Variants in VCPIP1 observed in about 807,000 individuals in gnomAD.
VCPIP1 encodes deubiquitinating protein VCPIP1.
VCPIP1 carries 8 observed loss-of-function variants against 85.0 expected under a neutral mutation model. The observed-to-expected ratio is 0.09, with a 90% CI of 0.06 to 0.17. The LOEUF is 0.17. Among genes scored for constraint, VCPIP1 ranks in the 10% least tolerant of loss-of-function variants. The pLI, the probability that VCPIP1 is intolerant of heterozygous loss-of-function variation, is 1.00. For missense variants in VCPIP1, 1,070 were observed against 1,486.3 expected (o/e 0.72, Z 4.61); for synonymous variants, 543 against 544.5 (o/e 1.00, Z 0.04).
Position 66,664,943 on chromosome 8 carries a change from G to A in VCPIP1, c.2016C>T (p.His672=), listed in dbSNP as rs61753692. 0.08 allele frequency: 128,761 copies of A among 1,614,018 alleles called. 5,821 individuals are homozygous for A. Among genetic ancestry groups the A allele is most frequent in the Middle Eastern group, 0.1 (606 of 6,060 alleles). Residue 672 remains histidine, a synonymous_variant, in exon 1 of 3, where the codon CAC becomes CAT. Coordinates refer to ENST00000310421, the MANE Select transcript of VCPIP1 (RefSeq NM_025054.5). ...DYTPVNIDGA[H]AQRVGDVQGQ... ...CTTGAACATCTCCAACTCTTTGGGC[G>A]TGAGCACCATCTATATTTACAGGAG...
In VCPIP1 at chr8:66,629,953, G is replaced by C. The variant is rs987251844; in HGVS notation, c.*4548C>G. ...TATTCCTGTACGATAACCCGCTTAA[G>C]TTCAACAAGAAAACTTTATTATTTA... On this transcript the variant is annotated 3_prime_UTR_variant, in exon 3 of 3. Coordinates refer to ENST00000310421, the MANE Select transcript of VCPIP1 (RefSeq NM_025054.5). 6.6e-6 allele frequency: 1 copy of C among 152,092 alleles called. No individual in the cohort carries two copies. Among genetic ancestry groups the C allele is most frequent in the Admixed American group, 6.6e-5 (1 of 15,260 alleles). 9.4% of individuals were successfully genotyped at this position (152,092 alleles called of 1,614,324 possible).
intron 2 of VCPIP1, among the ~76,000 whole-genome samples, chr8:66,649,409 G>A (rs572231957): frequency 6.6e-6 from 1 of 152,058 alleles, no homozygotes; most frequent in Non-Finnish European, 1.5e-5. Context: ...CTACTTGGGA[G>A]GCTGAGCTGG....
chr8:66,666,775 C>G lies in VCPIP1; in HGVS notation c.184G>C (p.Ala62Pro). The G allele has an allele frequency of 6.2e-7, 1 of 1,613,542 alleles. No homozygotes were observed. Among genetic ancestry groups the G allele is most frequent in the Non-Finnish European group, 8.5e-7 (1 of 1,179,544 alleles). ...CACTCGATGCTGACAGAACCGGAGG[C>G]CGGGAAAAATAGACGCGCCTGACAC... ...PKCQARLFFP[A>P]SGSVSIECTE... is the part of the protein sequence containing the mutation. The change falls in exon 1 of 3, where the codon GCC becomes CCC. Residue 62 changes from alanine (A) to proline (P), a missense_variant. Ala to Pro is a conservative substitution (Grantham distance 27). Coordinates refer to ENST00000310421, the MANE Select transcript of VCPIP1 (RefSeq NM_025054.5). The surrounding 1 kb of genome is among the most constrained non-coding windows in gnomAD (Gnocchi z 6.3).
chr8:66,665,613 T>A lies in VCPIP1; in HGVS notation c.1346A>T (p.Gln449Leu). 1 of 1,614,210 alleles carries A rather than the reference T, an allele frequency of 6.2e-7. No individual in the cohort carries two copies. The highest frequency in any genetic ancestry group is 8.5e-7 in the Non-Finnish European group (1 of 1,180,032). ...AGCAGCTGCTGTGACTTCCTCAGGC[T>A]GAACTCCTATCACTCCAGTCCTTCT... ...FYRRTGVIGV[Q>L]PEEVTAAAKK... Residue 449 changes from glutamine (Q) to leucine (L), a missense_variant, in exon 1 of 3, where the codon CAG becomes CTG. Gln to Leu is a moderately radical substitution (Grantham distance 113). Around this residue, in one of 8 missense-constraint regions of VCPIP1, gnomAD observed 83 missense variants for 134.6 expected, o/e 0.62. Transcript: ENST00000310421. This position sits in a 1 kb window ranked among gnomAD's most constrained non-coding sequence, Gnocchi z 4.3.
At chr8:66,662,891 G>T (rs1374880705) in intron 1 of VCPIP1, among the ~76,000 whole-genome samples, 1 of 152,012 alleles carries the variant, frequency 6.6e-6, no homozygotes, top group East Asian at 1.9e-4. Context: ...TTGATCACAA[G>T]GTCAGGAGAT....
intron 1 of VCPIP1, among the ~76,000 whole-genome samples, chr8:66,663,347 G>C (rs1349889490): frequency 6.6e-6 from 1 of 152,032 alleles, no homozygotes; most frequent in East Asian, 1.9e-4. Flanking sequence ...TCAAAACCCA[G>C]ATGACTTTTC....
chr8:66,643,164 A>T (rs147579270), intron 2 of VCPIP1, among the ~76,000 whole-genome samples: 3,874 of 151,712 alleles, frequency 0.026, 65 homozygotes, highest in Non-Finnish European at 0.037. Context: ...GTCTACTAAA[A>T]ATACAAAAAT....
chr8:66,655,578 T>A (rs539074078), intron 1 of VCPIP1, among the ~76,000 whole-genome samples: 2 of 152,320 alleles, frequency 1.3e-5, no homozygotes, highest in East Asian at 3.9e-4. Context: ...CGAAGCAGCA[T>A]GATGATAACC....
At position 66,634,108 on chromosome 8, in the gene VCPIP1, T is replaced by C. The variant is rs1586620198; in HGVS notation, c.*393A>G. On this transcript the variant is annotated 3_prime_UTR_variant, in exon 3 of 3. Transcript: ENST00000310421. The stretch of plus-strand genomic sequence containing the variant: ...GACACTAGTATATGAGATGGTTACC[T>C]TGATGACATCAACATTAGCACAATC... The C allele has an allele frequency of 6.3e-6, 1 of 159,846 alleles. No individual in the cohort carries two copies. The highest frequency in any genetic ancestry group is 1.4e-5 in the Non-Finnish European group (1 of 73,202). 9.9% of individuals were successfully genotyped at this position (159,846 alleles called of 1,614,324 possible). A position where few individuals can be genotyped will look rare whatever the true frequency, so the allele number is the denominator to read the frequency against.
At chr8:66,638,507 C>T (rs999482941) in intron 2 of VCPIP1, among the ~76,000 whole-genome samples, 3 of 144,668 alleles carry the variant, frequency 2.1e-5, no homozygotes, top group Non-Finnish European at 3.0e-5. Flanking sequence ...AGGCCAGGCG[C>T]GGTGGCTCAC....
At chr8:66,650,765 C>T (rs898111274) in intron 2 of VCPIP1, among the ~76,000 whole-genome samples, 2 of 136,952 alleles carry the variant, frequency 1.5e-5, no homozygotes, top group South Asian at 2.4e-4. Flanking sequence ...CATGGCCGGG[C>T]GTGGTGAATT....
rs937040292 is a variant in VCPIP1, at chr8:66,629,078, A to C, written c.*5423T>G. 11 of 152,220 alleles carry C rather than the reference A, an allele frequency of 7.2e-5. No homozygotes were observed. Among genetic ancestry groups the C allele is most frequent in the African/African-American group, 2.4e-4 (10 of 41,450 alleles). 9.4% of individuals were successfully genotyped at this position (152,220 alleles called of 1,614,324 possible). A position where few individuals can be genotyped will look rare whatever the true frequency, so the allele number is the denominator to read the frequency against. The stretch of plus-strand genomic sequence containing the variant: ...GCCCTGTGAGGATTTATCCCACTTA[A>C]TGGCAACTGAACTCTACCACATTAC... On this transcript the variant is annotated 3_prime_UTR_variant, in exon 3 of 3. Transcript: ENST00000310421.
intron 2 of VCPIP1, among the ~76,000 whole-genome samples, chr8:66,645,506 C>A (rs1025721420): frequency 6.6e-6 from 1 of 152,094 alleles, no homozygotes; most frequent in Non-Finnish European, 1.5e-5. Context: ...GTAGAAGCAT[C>A]TTTTACAGTA....
chr8:66,634,322 C>G lies in VCPIP1; in HGVS notation c.*179G>C. 4 of 591,418 alleles carry G rather than the reference C, an allele frequency of 6.8e-6. No individual in the cohort carries two copies. Among genetic ancestry groups the G allele is most frequent in the Non-Finnish European group, 1.1e-5 (4 of 379,156 alleles). 36.6% of individuals were successfully genotyped at this position (591,418 alleles called of 1,614,324 possible). ...TATAGAAATTCAGAGCCAGCCTGGGCAGCAGTATATTAAAAGCTATGGCCA... is the reference window on the plus strand; with the variant it reads ...TATAGAAATTCAGAGCCAGCCTGGGGAGCAGTATATTAAAAGCTATGGCCA... On this transcript the variant is annotated 3_prime_UTR_variant, in exon 3 of 3. Transcript: ENST00000310421.
At position 66,633,410 on chromosome 8, in the gene VCPIP1, T is replaced by C. The variant is rs1810852782; in HGVS notation, c.*1091A>G. 1 of 152,486 alleles carries C rather than the reference T, an allele frequency of 6.6e-6. No homozygotes were observed. Among genetic ancestry groups the C allele is most frequent in the South Asian group, 2.1e-4 (1 of 4,824 alleles). 9.4% of individuals were successfully genotyped at this position (152,486 alleles called of 1,614,324 possible). A position where few individuals can be genotyped will look rare whatever the true frequency, so the allele number is the denominator to read the frequency against. On this transcript the variant is annotated 3_prime_UTR_variant, in exon 3 of 3. Coordinates refer to ENST00000310421, the MANE Select transcript of VCPIP1 (RefSeq NM_025054.5). Reference sequence around the variant, plus strand: ...CAGGATAAACACTCTTCTGTTGTTTTTAAGGAATAAGCATGAAAGCTGCTT... The same window carrying C: ...CAGGATAAACACTCTTCTGTTGTTTCTAAGGAATAAGCATGAAAGCTGCTT...
chr8:66,643,969 T>C (rs1005880352), intron 2 of VCPIP1, among the ~76,000 whole-genome samples: 2 of 140,132 alleles, frequency 1.4e-5, no homozygotes, highest in South Asian at 2.2e-4. Flanking sequence ...AAAAGGACAA[T>C]AGGGGAATAC....
At chr8:66,637,138 C>G (rs1385855842) in intron 2 of VCPIP1, among the ~76,000 whole-genome samples, 16 of 151,412 alleles carry the variant, frequency 1.1e-4, no homozygotes, top group Non-Finnish European at 5.9e-5. Context: ...CAAACAAAGG[C>G]TAGGAGTTTG....
chr8:66,638,072 CA>C (rs1259692363), intron 2 of VCPIP1, among the ~76,000 whole-genome samples: 30 of 152,300 alleles, frequency 2.0e-4, no homozygotes, highest in African/African-American at 7.2e-4. Flanking sequence ...AGAAACTACC[CA>C]AAAGCTCATG....
At position 66,655,741 on chromosome 8, in the gene VCPIP1, T is replaced by G. The variant is rs1811093794; in HGVS notation, c.2711-4197A>C. Among the ~76,000 whole-genome samples the G allele has an allele frequency of 2.0e-5, 3 of 152,254 alleles. No homozygotes were observed. The South Asian group carries it at 6.2e-4, about 32-fold the overall frequency. ...TCTACCATTTTATTCGAAAGCAAAC[T>G]TTTAGAGAATAGGAACAGTTTGGAA... On this transcript the variant is annotated intron_variant, in intron 1 of 2. Coordinates refer to ENST00000310421, the MANE Select transcript of VCPIP1 (RefSeq NM_025054.5).
Sources: gnomAD v4.1 joint callset for allele counts (sites outside exome capture counted in the v4.1 genomes callset) on GRCh38, gnomAD v4.1.1 for gene constraint, gnomAD v4.1.1 regional missense constraint, Gnocchi (gnomAD v3.1) non-coding constraint, MANE v1.5 for transcripts, NCBI Gene and HGNC (gene_info 2026-07-23, HGNC 2026-07-21) for gene names.